The following ASIP variants were observed in gnomAD, a reference collection of about 807,000 sequenced individuals.
ASIP encodes the protein agouti-signaling protein.
In ASIP, 11 loss-of-function variants were observed where a neutral mutation model predicts 10.3. That is an observed-to-expected ratio of 1.07 (90% CI 0.68 to 1.78). The LOEUF (loss-of-function observed/expected upper bound fraction) is 1.78, where lower values mean the gene tolerates loss of function less well. Among genes scored for constraint, ASIP ranks in the 40% most tolerant of loss-of-function variants. The pLI, the probability that ASIP is intolerant of heterozygous loss-of-function variation, is 0.00. For synonymous variants in ASIP, 70 were observed against 70.8 expected, an observed-to-expected ratio of 0.99 and a Z score of 0.06; for missense variants, 180 against 169.2, an observed-to-expected ratio of 1.06 and a Z score of -0.35.
intron 1 of ASIP, among the ~76,000 whole-genome samples, chr20:34,258,026 C>T (rs889227747): frequency 6.6e-5 from 10 of 151,872 alleles, no homozygotes; most frequent in Non-Finnish European, 1.2e-4. Flanking sequence ...CACCTGTAGT[C>T]CCAGCTACTC....
chr20:34,210,962 G>GT (rs2034970805), intron 1 of ASIP, among the ~76,000 whole-genome samples: 1 of 152,052 alleles, frequency 6.6e-6, no homozygotes, highest in Admixed American at 6.6e-5. Flanking sequence ...TAATATTTTG[G>GT]TTAAGATTTT....
chr20:34,216,650 G>T (rs974010421), intron 1 of ASIP, among the ~76,000 whole-genome samples: 2 of 152,064 alleles, frequency 1.3e-5, no homozygotes, highest in Non-Finnish European at 2.9e-5. Context: ...GAGATACCCA[G>T]TTTTTTTCAC....
upstream of ASIP, among the ~76,000 whole-genome samples, chr20:34,190,612 A>G (rs191468588): frequency 2.3e-4 from 35 of 152,342 alleles, no homozygotes; most frequent in Admixed American, 2.1e-3. Flanking sequence ...CAGAGTAAAC[A>G]GAACTCACCC....
intron 3 of ASIP, among the ~76,000 whole-genome samples, chr20:34,266,311 C>T (rs1299145077): frequency 6.6e-6 from 1 of 151,236 alleles, no homozygotes; most frequent in Non-Finnish European, 1.5e-5. Context: ...GACCGTGCCA[C>T]TACACTCCAG....
intron 1 of ASIP, among the ~76,000 whole-genome samples, chr20:34,241,793 C>G (rs1032377518): frequency 6.6e-6 from 1 of 152,160 alleles, no homozygotes; most frequent in Admixed American, 6.5e-5. Flanking sequence ...ACCCTGACCC[C>G]AAAGTCACAC....
chr20:34,243,949 C>T (rs1010535776), intron 1 of ASIP, among the ~76,000 whole-genome samples: 1 of 152,092 alleles, frequency 6.6e-6, no homozygotes, highest in Non-Finnish European at 1.5e-5. Flanking sequence ...CCTGTAGTCC[C>T]AGCTACTCAG....
chr20:34,223,304 C>T (rs2035064488), intron 1 of ASIP, among the ~76,000 whole-genome samples: 1 of 150,366 alleles, frequency 6.7e-6, no homozygotes, highest in Non-Finnish European at 1.5e-5. Flanking sequence ...GTGAGGAGCG[C>T]CTCTGCCCGG....
At chr20:34,223,572 G>A (rs1938771854) in intron 1 of ASIP, among the ~76,000 whole-genome samples, 1 of 144,234 alleles carries the variant, frequency 6.9e-6, no homozygotes, top group African/African-American at 2.8e-5. Flanking sequence ...CGCCTGGCCA[G>A]CCGTGCCCTC....
At chr20:34,243,618 T>C (rs888295662) in intron 1 of ASIP, among the ~76,000 whole-genome samples, 37 of 152,092 alleles carry the variant, frequency 2.4e-4, no homozygotes, top group Non-Finnish European at 4.0e-4. Context: ...ACAGAATACA[T>C]ATGTAACACA....
At chr20:34,213,812 G>A (rs2034989962) in intron 1 of ASIP, 1 of 1,514,220 alleles carries the variant, frequency 6.6e-7, no homozygotes, top group Non-Finnish European at 9.2e-7. Context: ...AAGAATGTCT[G>A]TAAACAGTCC....
intron 1 of ASIP, among the ~76,000 whole-genome samples, chr20:34,233,946 A>G (rs551491426): frequency 5.3e-5 from 8 of 152,360 alleles, no homozygotes; most frequent in Admixed American, 5.2e-4. Flanking sequence ...ACTCAGTGCA[A>G]TATGGCCTCT....
intron 3 of ASIP, 70 bp from the exon 4 acceptor site, chr20:34,268,921 T>C: frequency 6.5e-7 from 1 of 1,532,224 alleles, no homozygotes; most frequent in Non-Finnish European, 8.8e-7. Flanking sequence ...CCCGAGGAGC[T>C]CCCAGGCAGA....
upstream of ASIP, among the ~76,000 whole-genome samples, chr20:34,192,840 G>A (rs1242817477): frequency 6.6e-6 from 1 of 152,084 alleles, no homozygotes; most frequent in Non-Finnish European, 1.5e-5. Context: ...ATACATAATA[G>A]TTGCACATTT....
chr20:34,233,143 CTTT>C (rs755217642), intron 1 of ASIP, among the ~76,000 whole-genome samples: 17 of 100,302 alleles, frequency 1.7e-4, no homozygotes, highest in Non-Finnish European at 1.5e-4. Context: ...GGGACAAGAG[CTTT>C]TTTTTTTTTT....
intron 1 of ASIP, chr20:34,213,430 G>A (rs1221730179): frequency 1.3e-5 from 11 of 871,218 alleles, no homozygotes; most frequent in Non-Finnish European, 1.9e-5. Context: ...ATGTGAAAGT[G>A]GCTTTGGAAT....
At chr20:34,258,833 T>G (rs1411641813) in intron 1 of ASIP, among the ~76,000 whole-genome samples, 17 of 120,742 alleles carry the variant, frequency 1.4e-4, no homozygotes, top group Non-Finnish European at 2.3e-4. Flanking sequence ...TATATAGTAT[T>G]ATATATATAG....
chr20:34,253,643 TG>T (rs1370622860), intron 1 of ASIP, among the ~76,000 whole-genome samples: 1 of 152,018 alleles, frequency 6.6e-6, no homozygotes, highest in Non-Finnish European at 1.5e-5. Flanking sequence ...GGCTAATTTT[TG>T]TATTTTTAGT....
chr20:34,214,989 A>G, intron 1 of ASIP: 1 of 1,412,856 alleles, frequency 7.1e-7, no homozygotes, highest in South Asian at 1.1e-5. Context: ...TTACCGGCTT[A>G]GAAAATCTGG....
intron 1 of ASIP, among the ~76,000 whole-genome samples, chr20:34,247,773 T>C (rs2035404612): frequency 6.6e-6 from 1 of 152,146 alleles, no homozygotes; most frequent in Non-Finnish European, 1.5e-5. Context: ...ATTTTTTAAA[T>C]TTTTGTGGAG....
Sources: gnomAD v4.1 joint callset for allele counts (sites outside exome capture counted in the v4.1 genomes callset) on GRCh38, gnomAD v4.1.1 for gene constraint, MANE v1.5 for transcripts, NCBI Gene and HGNC (gene_info 2026-07-23, HGNC 2026-07-21) for gene names.